Variants in BLMH observed in about 807,000 individuals in gnomAD.
The protein encoded by BLMH is BLM hydrolase.
In BLMH, 32 loss-of-function variants were observed where a neutral mutation model predicts 61.6. The ratio of observed to expected loss-of-function variants is 0.52; its 90% confidence interval spans 0.39 to 0.70. The LOEUF (loss-of-function observed/expected upper bound fraction) is 0.70, where lower values mean the gene tolerates loss of function less well. Among genes scored for constraint, BLMH ranks in the 30% least tolerant of loss-of-function variants. The probability of loss-of-function intolerance (pLI) is 0.00; values close to 1 mark genes in which losing one functional copy is unlikely to be tolerated. For missense variants in BLMH, 460 were observed against 555.5 expected, an observed-to-expected ratio of 0.83 and a Z score of 1.73; for synonymous variants, 183 against 193.8, an observed-to-expected ratio of 0.94 and a Z score of 0.46.
chr17:30,251,220 C>T (rs927256406), intron 11 of BLMH, among the ~76,000 whole-genome samples: 1 of 152,050 alleles, frequency 6.6e-6, no homozygotes, highest in Non-Finnish European at 1.5e-5. Context: ...ACCTGTTCCC[C>T]AAAAACTACT....
In BLMH at chr17:30,285,387, C is replaced by T; in HGVS notation, c.645+1G>A. 6.2e-7 allele frequency: 1 copy of T among 1,605,186 alleles called. No individual in the cohort carries two copies. Among genetic ancestry groups the T allele is most frequent in the South Asian group, 1.1e-5 (1 of 89,328 alleles). On this transcript the variant is annotated splice_donor_variant, in intron 6 of 11. Coordinates refer to ENST00000261714, the MANE Select transcript of BLMH (RefSeq NM_000386.4). LOFTEE classifies it high-confidence loss of function. Reference sequence around the variant, plus strand: ...CAAAAAAATCCAAATTTTGTTATTACCTCCTCCATCATGACGTCCTGTGTG... The same window carrying T: ...CAAAAAAATCCAAATTTTGTTATTATCTCCTCCATCATGACGTCCTGTGTG...
At chr17:30,287,095 G>A (rs1908754792) in intron 4 of BLMH, among the ~76,000 whole-genome samples, 193 bp from the exon 5 acceptor site, 1 of 152,094 alleles carries the variant, frequency 6.6e-6, no homozygotes, top group South Asian at 2.1e-4. Flanking sequence ...ACTCAGGCTG[G>A]AGTGCTGTGA....
chr17:30,283,107 A>G (rs1908635482), intron 6 of BLMH, among the ~76,000 whole-genome samples: 1 of 152,188 alleles, frequency 6.6e-6, no homozygotes, highest in African/African-American at 2.4e-5. Flanking sequence ...AGTTACAGTA[A>G]GCTATGACTG....
At chr17:30,255,670 G>A (rs758021629) in intron 11 of BLMH, among the ~76,000 whole-genome samples, 16 of 152,220 alleles carry the variant, frequency 1.1e-4, no homozygotes, top group South Asian at 2.1e-4. Context: ...AGGCCGAGGC[G>A]GGCAGATCAC....
chr17:30,255,966 A>C (rs1386735020), intron 11 of BLMH, among the ~76,000 whole-genome samples: 1 of 152,206 alleles, frequency 6.6e-6, no homozygotes, highest in African/African-American at 2.4e-5. Context: ...AGCTCACTGC[A>C]GCCTCAAACT....
chr17:30,262,660 T>G (rs533437124), intron 11 of BLMH, among the ~76,000 whole-genome samples: 14 of 152,148 alleles, frequency 9.2e-5, no homozygotes, highest in Non-Finnish European at 2.1e-4. Context: ...CCAGGCGTGG[T>G]GGGGAGCACC....
At chr17:30,249,429 C>G (rs751929047) in intron 11 of BLMH, 23 of 429,846 alleles carry the variant, frequency 5.4e-5, no homozygotes, top group Non-Finnish European at 9.8e-5. Context: ...AGGTTCAGAG[C>G]TGGGCCTTGG....
intron 7 of BLMH, chr17:30,273,608 C>A (rs16965661): frequency 0.079 from 13,771 of 173,788 alleles, 867 homozygotes; most frequent in African/African-American, 0.17. Flanking sequence ...GGCTCTGATC[C>A]TCCTACTAGG....
In BLMH at chr17:30,271,382, G is replaced by A; in HGVS notation, c.1035C>T (p.Asp345=). 6.2e-7 allele frequency: 1 copy of A among 1,611,748 alleles called. No individual in the cohort carries two copies. Among genetic ancestry groups the A allele is most frequent in the Non-Finnish European group, 8.5e-7 (1 of 1,177,904 alleles). Residue 345 remains aspartate, a synonymous_variant, in exon 10 of 12, where the codon GAC becomes GAT. Transcript: ENST00000261714. ...KLGLSDMNLY[D]HELVFGVSLK... is the part of the protein sequence containing the mutation. ...AGGAGACACCAAACACTAACTCATG[G>A]TCATAGCTGTAAAAAGAATGATAGT...
At chr17:30,273,740 C>A (rs1055930571) in intron 7 of BLMH, 1 of 385,910 alleles carries the variant, frequency 2.6e-6, no homozygotes, top group African/African-American at 2.1e-5. Flanking sequence ...ACCCAACACA[C>A]TTTCATTGTT....
At chr17:30,282,106 G>C (rs1163887178) in intron 6 of BLMH, among the ~76,000 whole-genome samples, 1 of 152,018 alleles carries the variant, frequency 6.6e-6, no homozygotes, top group Admixed American at 6.6e-5. Flanking sequence ...TGCCCAGGTA[G>C]CACTTGAACT....
intron 1 of BLMH, 84 bp downstream of exon 1, chr17:30,291,718 TCCCAG>T: frequency 7.1e-7 from 1 of 1,414,612 alleles, no homozygotes; most frequent in East Asian, 2.5e-5. Context: ...TCGCCAAGGG[TCCCAG>T]CCCCCGGCCT....
chr17:30,268,658 G>C (rs1253520256), intron 10 of BLMH, among the ~76,000 whole-genome samples: 1 of 149,096 alleles, frequency 6.7e-6, no homozygotes, highest in Non-Finnish European at 1.5e-5. Context: ...TTCTATAACA[G>C]AGATAGAAAT....
At chr17:30,287,493 C>T (rs1908765617) in intron 4 of BLMH, among the ~76,000 whole-genome samples, 1 of 152,222 alleles carries the variant, frequency 6.6e-6, no homozygotes, top group Non-Finnish European at 1.5e-5. Context: ...GACATTTTAA[C>T]ACAGCTACAG....
At chr17:30,277,261 C>T (rs183202950) in intron 6 of BLMH, among the ~76,000 whole-genome samples, 1 of 152,314 alleles carries the variant, frequency 6.6e-6, no homozygotes, top group African/African-American at 2.4e-5. Flanking sequence ...CAGAGTATCA[C>T]ATAAGCAACC....
chr17:30,271,925 C>T (rs1908283623), intron 9 of BLMH, among the ~76,000 whole-genome samples: 1 of 152,170 alleles, frequency 6.6e-6, no homozygotes, highest in African/African-American at 2.4e-5. Flanking sequence ...GAGAGACACA[C>T]TTGGGAGTTG....
Position 30,286,825 on chromosome 17 carries a change from G to C in BLMH, c.541C>G (p.Leu181Val). ...TEATRRMNDI[L>V]NHKMREFCIR... The stretch of plus-strand genomic sequence containing the variant: ...TTCATATATTGTACCTTGTGATTCA[G>C]AATATCATTCATCCTTCTGGTTGCC... The change falls in exon 5 of 12, where the codon CTG becomes GTG. Residue 181 changes from leucine (L) to valine (V), a missense_variant. Physicochemically the swap from Leu to Val is conservative, Grantham distance 32 (BLOSUM62 1). This residue lies in a region of BLMH where 310 missense variants were observed against 371.1 expected (regional missense o/e 0.84). Transcript: ENST00000261714. 6.3e-7 allele frequency: 1 copy of C among 1,585,326 alleles called. No individual in the cohort carries two copies. Among genetic ancestry groups the C allele is most frequent in the South Asian group, 1.1e-5 (1 of 90,376 alleles).
intron 6 of BLMH, among the ~76,000 whole-genome samples, chr17:30,277,743 G>A (rs902030732): frequency 1.3e-5 from 2 of 152,210 alleles, no homozygotes; most frequent in Non-Finnish European, 2.9e-5. Context: ...TTGACTCCCT[G>A]TTTAAAGTAA....
In BLMH at chr17:30,285,547, C is replaced by T. The variant is rs904974377; in HGVS notation, c.553-67G>A. The T allele has an allele frequency of 7.8e-6, 10 of 1,277,268 alleles. No homozygotes were observed. In the African/African-American group the frequency reaches 1.2e-4, roughly 15 times the overall value. The allele number at this position is 1,277,268 out of a possible 1,614,324, so 79.1% of individuals were successfully genotyped here. ...TTCAATTGTAAATGACTCTCATAGA[C>T]CAACGCAAGTTCTATTTTGAGGTAT... On this transcript the variant is annotated intron_variant, in intron 5 of 11. Coordinates refer to ENST00000261714, the MANE Select transcript of BLMH (RefSeq NM_000386.4).
Sources: allele counts gnomAD v4.1 joint callset (sites outside exome capture counted in the v4.1 genomes callset), GRCh38; gene constraint gnomAD v4.1.1; regional missense constraint gnomAD v4.1.1; transcripts MANE v1.5; gene names NCBI Gene and HGNC (gene_info 2026-07-23, HGNC 2026-07-21).